Variants in ANXA10 observed in about 807,000 individuals in gnomAD.
ANXA10 encodes annexin A10.
In ANXA10, 49 loss-of-function variants were observed where a neutral mutation model predicts 53.5. That is an observed-to-expected ratio of 0.92 (90% CI 0.73 to 1.16). ANXA10 has a LOEUF of 1.16. Among genes scored for constraint, ANXA10 ranks in the 50% most tolerant of loss-of-function variants. The pLI, the probability that ANXA10 is intolerant of heterozygous loss-of-function variation, is 0.00. For synonymous variants in ANXA10, 131 were observed against 128.9 expected (o/e 1.02, Z -0.11); for missense variants, 393 against 394.4 (o/e 1.00, Z 0.03).
At chr4:168,103,659 C>A (rs992295032) in intron 1 of ANXA10, among the ~76,000 whole-genome samples, 13 of 151,836 alleles carry the variant, frequency 8.6e-5, no homozygotes, top group African/African-American at 3.1e-4. Context: ...TGCATTTCCA[C>A]AAATATTTTT....
At chr4:168,092,955 A>G (rs983704257) in intron 1 of ANXA10, among the ~76,000 whole-genome samples, 1 of 152,144 alleles carries the variant, frequency 6.6e-6, no homozygotes, top group Non-Finnish European at 1.5e-5. Context: ...TAATGCAATT[A>G]TTTGCTATGC....
intron 1 of ANXA10, among the ~76,000 whole-genome samples, chr4:168,125,373 T>C (rs935547374): frequency 6.6e-6 from 1 of 152,150 alleles, no homozygotes; most frequent in Non-Finnish European, 1.5e-5. Flanking sequence ...GAATTATCCA[T>C]TGAAACCCAC....
rs183371315 is a variant in ANXA10, at chr4:168,187,736, A to G, written c.*302A>G. 217 of 196,166 alleles carry G rather than the reference A, an allele frequency of 1.1e-3. No individual in the cohort carries two copies. Among genetic ancestry groups the G allele is most frequent in the African/African-American group, 4.7e-3 (201 of 43,156 alleles). The allele number at this position is 196,166 out of a possible 1,614,324, so 12.2% of individuals were successfully genotyped here. A position where few individuals can be genotyped will look rare whatever the true frequency, so the allele number is the denominator to read the frequency against. On this transcript the variant is annotated 3_prime_UTR_variant, in exon 12 of 12. Transcript: ENST00000359299. ...TTTAAATGTGAACCATCAACAACCT[A>G]CAACAAGAGAGTCTGCTCAAGGCCG...
intron 1 of ANXA10, among the ~76,000 whole-genome samples, chr4:168,108,760 GC>G (rs1730756305): frequency 6.6e-6 from 1 of 152,104 alleles, no homozygotes. Flanking sequence ...CGCAATCTGA[GC>G]TTTAGACATT....
chr4:168,153,981 T>TACACACACAC (rs35992092), intron 3 of ANXA10, among the ~76,000 whole-genome samples: 77 of 149,332 alleles, frequency 5.2e-4, no homozygotes, highest in African/African-American at 1.9e-3. Flanking sequence ...TAGCTATGTA[T>TACACACACAC]ACACACACAC....
chr4:168,168,860 C>T (rs923783785), intron 6 of ANXA10, among the ~76,000 whole-genome samples: 1 of 152,142 alleles, frequency 6.6e-6, no homozygotes, highest in African/African-American at 2.4e-5. Context: ...AATAGAATTT[C>T]TAAAAGGGAA....
At chr4:168,115,497 G>GCGCACACACA (rs1245136318) in intron 1 of ANXA10, among the ~76,000 whole-genome samples, 44 of 136,526 alleles carry the variant, frequency 3.2e-4, no homozygotes, top group South Asian at 7.7e-4. Flanking sequence ...CAATACACAC[G>GCGCACACACA]CACACACACA....
At chr4:168,180,689 C>T (rs1435454531) in intron 9 of ANXA10, among the ~76,000 whole-genome samples, 1 of 152,162 alleles carries the variant, frequency 6.6e-6, no homozygotes, top group Non-Finnish European at 1.5e-5. Context: ...TATAATCTCA[C>T]AATCTAAAAT....
intron 1 of ANXA10, among the ~76,000 whole-genome samples, chr4:168,105,242 T>C (rs1042884043): frequency 6.6e-6 from 1 of 151,900 alleles, no homozygotes; most frequent in Non-Finnish European, 1.5e-5. Context: ...CCCTGAGTTA[T>C]TTTTCCTGAC....
intron 9 of ANXA10, among the ~76,000 whole-genome samples, chr4:168,179,795 G>T (rs555521917): frequency 6.6e-6 from 1 of 152,116 alleles, no homozygotes; most frequent in Non-Finnish European, 1.5e-5. Flanking sequence ...TTTTCCTCAG[G>T]CTATTGTGAT....
At chr4:168,133,711 G>T (rs1431037787) in intron 2 of ANXA10, among the ~76,000 whole-genome samples, 1 of 151,994 alleles carries the variant, frequency 6.6e-6, no homozygotes, top group Non-Finnish European at 1.5e-5. Flanking sequence ...TAACCACAGG[G>T]TTACAGAAAC....
At chr4:168,170,558 T>C (rs967299684) in intron 6 of ANXA10, among the ~76,000 whole-genome samples, 4 of 152,152 alleles carry the variant, frequency 2.6e-5, no homozygotes, top group Admixed American at 6.5e-5. Flanking sequence ...CGTTTGTGGT[T>C]CCACCAAAAG....
intron 9 of ANXA10, 150 bp from the exon 10 acceptor site, chr4:168,181,533 G>A (rs1732245417): frequency 1.5e-6 from 1 of 669,054 alleles, no homozygotes; most frequent in Non-Finnish European, 2.6e-6. Flanking sequence ...TTTTTTTCCT[G>A]TGGCTTATAG....
At chr4:168,158,814 T>C (rs1472290940) in intron 3 of ANXA10, among the ~76,000 whole-genome samples, 1 of 152,208 alleles carries the variant, frequency 6.6e-6, no homozygotes, top group Non-Finnish European at 1.5e-5. Flanking sequence ...ATGTGTCCTC[T>C]CCAAATGTCA....
At chr4:168,102,770 C>A (rs930745864) in intron 1 of ANXA10, among the ~76,000 whole-genome samples, 1 of 151,966 alleles carries the variant, frequency 6.6e-6, no homozygotes, top group East Asian at 1.9e-4. Context: ...ATTTCTTTTG[C>A]GTAAACACTT....
At chr4:168,137,431 C>T (rs1034746997) in intron 2 of ANXA10, among the ~76,000 whole-genome samples, 1 of 152,134 alleles carries the variant, frequency 6.6e-6, no homozygotes, top group African/African-American at 2.4e-5. Context: ...GCCCCTCTTC[C>T]ACCCTCTCAC....
chr4:168,119,898 A>T (rs760665109), intron 1 of ANXA10, among the ~76,000 whole-genome samples: 1 of 152,114 alleles, frequency 6.6e-6, no homozygotes, highest in Non-Finnish European at 1.5e-5. Context: ...GCTCAGTACC[A>T]GATAAATTTG....
In ANXA10 at chr4:168,172,690, T is replaced by C. The variant is rs147610790; in HGVS notation, c.481-5050T>C. Among the ~76,000 whole-genome samples, 420 of 151,830 alleles carry C rather than the reference T, an allele frequency of 2.8e-3. 1 individual carries two copies. The highest frequency in any genetic ancestry group is 0.01 in the Middle Eastern group (3 of 292). On this transcript the variant is annotated intron_variant, in intron 6 of 11. Coordinates refer to ENST00000359299, the MANE Select transcript of ANXA10 (RefSeq NM_007193.5). Reference sequence around the variant, plus strand: ...ATTAAACATAAATTTAATAAATAGGTGGATTATATAAAATATTAGAAGGTT... The same window carrying C: ...ATTAAACATAAATTTAATAAATAGGCGGATTATATAAAATATTAGAAGGTT...
At chr4:168,137,934 T>G (rs1350943404) in intron 2 of ANXA10, among the ~76,000 whole-genome samples, 1 of 151,640 alleles carries the variant, frequency 6.6e-6, no homozygotes, top group Admixed American at 6.6e-5. Flanking sequence ...TTTTTGCACA[T>G]CCTCTCCAAC....
Sources: gnomAD v4.1 joint callset for allele counts (sites outside exome capture counted in the v4.1 genomes callset) on GRCh38, gnomAD v4.1.1 for gene constraint, MANE v1.5 for transcripts, NCBI Gene and HGNC (gene_info 2026-07-23, HGNC 2026-07-21) for gene names.